Variants in HERC1 observed in about 807,000 individuals in gnomAD.
HERC1 encodes probable E3 ubiquitin-protein ligase HERC1.
In HERC1, 160 loss-of-function variants were observed where a neutral mutation model predicts 554.3. The observed-to-expected ratio is 0.29, with a 90% confidence interval of 0.25 to 0.33. HERC1 has a LOEUF of 0.33. Ranked by LOEUF, HERC1 falls within the 10% of genes least tolerant of loss-of-function variation. The pLI, the probability that HERC1 is intolerant of heterozygous loss-of-function variation, is 1.00. For missense variants in HERC1, 4,919 were observed against 5,918.5 expected, an observed-to-expected ratio of 0.83 and a Z score of 5.54; for synonymous variants, 2,175 against 2,131.7, an observed-to-expected ratio of 1.02 and a Z score of -0.56.
chr15:63,618,130 T>C (rs558408622), intron 74 of HERC1, among the ~76,000 whole-genome samples: 51 of 152,106 alleles, frequency 3.4e-4, no homozygotes, highest in South Asian at 2.3e-3. Flanking sequence ...AGGGTTTTTA[T>C]GGTTTTAGGT....
chr15:63,616,748 C>G (rs768715076), intron 74 of HERC1, 66 bp from the exon 75 acceptor site: 13 of 1,435,498 alleles, frequency 9.1e-6, no homozygotes, highest in African/African-American at 1.4e-5. Flanking sequence ...AAGTTAGCAA[C>G]AACAGCTATA....
intron 1 of HERC1, among the ~76,000 whole-genome samples, chr15:63,822,829 T>G (rs115627737): frequency 0.013 from 1,974 of 152,138 alleles, 40 homozygotes; most frequent in African/African-American, 0.044. Context: ...AGAAATGTAT[T>G]CAGAAAATAG....
At position 63,756,580 on chromosome 15, in the gene HERC1, T is replaced by C. The variant is rs199654305; in HGVS notation, c.1390A>G (p.Lys464Glu). Residue 464 changes from lysine to glutamate, a missense_variant, in exon 5 of 78, where the codon AAA (lysine) becomes GAA (glutamate). Around this residue, in one of 11 missense-constraint regions of HERC1, gnomAD observed 744 missense variants for 1,090.0 expected, o/e 0.68. Transcript: ENST00000443617. This position sits in a 1 kb window ranked among gnomAD's most constrained non-coding sequence, Gnocchi z 5.0. ...GCTAAAGTGTGACCATCAGATCCTT[T>C]AGAAGATGAAACCTTTTTAATGGAT... ...HRSIKKVSSS[K>E]GSDGHTLAFT... 6.2e-7 allele frequency: 1 copy of C among 1,613,998 alleles called. No individual in the cohort carries two copies. The highest frequency in any genetic ancestry group is 8.5e-7 in the Non-Finnish European group (1 of 1,179,868).
intron 1 of HERC1, among the ~76,000 whole-genome samples, chr15:63,818,206 G>GA (rs1005111426): frequency 7.9e-5 from 12 of 151,986 alleles, no homozygotes; most frequent in African/African-American, 1.2e-4. Flanking sequence ...AACAGTCACA[G>GA]AAAAAAAATT....
At chr15:63,720,851 G>T (rs1288183260) in intron 19 of HERC1, among the ~76,000 whole-genome samples, 1 of 152,066 alleles carries the variant, frequency 6.6e-6, no homozygotes, top group South Asian at 2.1e-4. Context: ...AATTTAGCAG[G>T]TATTACTCTC....
Position 63,616,654 on chromosome 15 carries a change from C to T in HERC1, c.13717G>A (p.Asp4573Asn), listed in dbSNP as rs770964448. The change falls in exon 75 of 78, where the codon GAT becomes AAT. Residue 4573 changes from aspartate (D) to asparagine (N), a missense_variant. Transcript: ENST00000443617. ...RFLFNPSACL[D>N]EHLMQFKFLG... ...AACTTAAACTGCATTAAGTGTTCAT[C>T]GAGGCAGGCAGAAGGGTTAAAAAGG... 13 of 1,613,570 alleles carry T rather than the reference C, an allele frequency of 8.1e-6. No homozygotes were observed. The South Asian group carries it at 1.2e-4, about 15-fold the overall frequency.
chr15:63,616,158 C>T (rs1448549759), intron 75 of HERC1, among the ~76,000 whole-genome samples: 1 of 152,096 alleles, frequency 6.6e-6, no homozygotes, highest in Non-Finnish European at 1.5e-5. Flanking sequence ...GTTGAACTCT[C>T]GTGACCTCAG....
intron 1 of HERC1, among the ~76,000 whole-genome samples, chr15:63,819,830 A>T (rs1179985533): frequency 6.6e-6 from 1 of 152,152 alleles, no homozygotes; most frequent in African/African-American, 2.4e-5. Context: ...TCATTTCTGA[A>T]TTCTCATCCA....
At chr15:63,624,615 A>G (rs1301338097) in intron 71 of HERC1, among the ~76,000 whole-genome samples, 2 of 152,186 alleles carry the variant, frequency 1.3e-5, no homozygotes, top group Admixed American at 6.5e-5. Context: ...GGATCACCTG[A>G]GTCCAAGGAG....
intron 73 of HERC1, among the ~76,000 whole-genome samples, chr15:63,623,418 G>T (rs1456564873): frequency 6.6e-6 from 1 of 152,154 alleles, no homozygotes; most frequent in Non-Finnish European, 1.5e-5. Flanking sequence ...GGTGCTCCTG[G>T]ATTTGTCTGT....
chr15:63,622,889 T>C lies in HERC1; in HGVS notation c.13614A>G (p.Glu4538=). Residue 4538 remains glutamate, a splice_region_variant and synonymous_variant, in exon 74 of 78, where the codon GAA becomes GAG. Transcript: ENST00000443617. ...GAAGGTCAACAATACCAGTTTCAAG[T>C]TCCTGCAGAAGAAAGAAAAAAATTT... ...FDDTITEMCQ[E]LETGIVDLLI... is the part of the protein sequence containing the mutation. 1 of 1,592,512 alleles carries C rather than the reference T, an allele frequency of 6.3e-7. No individual in the cohort carries two copies. The highest frequency in any genetic ancestry group is 8.5e-7 in the Non-Finnish European group (1 of 1,171,908).
Position 63,649,859 on chromosome 15 carries a change from G to C in HERC1, c.10613C>G (p.Pro3538Arg). 2 of 1,612,788 alleles carry C rather than the reference G, an allele frequency of 1.2e-6. No individual in the cohort carries two copies. The highest frequency in any genetic ancestry group is 1.7e-6 in the Non-Finnish European group (2 of 1,179,422). ...AGACTCTCCTGACCAGGCTGTAGCCGGACCCTCTTCTGGCCAAGCCAGGGC... is the reference window on the plus strand; with the variant it reads ...AGACTCTCCTGACCAGGCTGTAGCCCGACCCTCTTCTGGCCAAGCCAGGGC... ...VSALAWPEEGPATAWSGESPE... is the reference protein window; with the variant it reads ...VSALAWPEEGRATAWSGESPE... Residue 3538 changes from proline (P) to arginine (R), a missense_variant, in exon 54 of 78, where the codon CCG becomes CGG. Pro to Arg is a moderately radical substitution (Grantham distance 103, BLOSUM62 -2). Around this residue, in one of 11 missense-constraint regions of HERC1, gnomAD observed 1,963 missense variants for 2,228.6 expected, o/e 0.88. Coordinates refer to ENST00000443617, the MANE Select transcript of HERC1 (RefSeq NM_003922.4).
chr15:63,829,561 G>GTGTGTGTGTGTATATATATATATATA (rs1220043639), intron 1 of HERC1, among the ~76,000 whole-genome samples: 1 of 81,762 alleles, frequency 1.2e-5, no homozygotes, highest in African/African-American at 5.2e-5. Flanking sequence ...GTGTGTGTGT[G>GTGTGTGTGTGTATATATATATATATA]TATATATATA....
At chr15:63,833,087 A>G (rs983629492) in intron 1 of HERC1, among the ~76,000 whole-genome samples, 3 of 152,170 alleles carry the variant, frequency 2.0e-5, no homozygotes, top group African/African-American at 7.2e-5. Flanking sequence ...CGTGTCTCCC[A>G]GTAACCTGCC....
At position 63,623,846 on chromosome 15, in the gene HERC1, A is replaced by C. The variant is rs758440166; in HGVS notation, c.13490T>G (p.Val4497Gly). The C allele has an allele frequency of 6.2e-7, 1 of 1,613,960 alleles. No homozygotes were observed. Among genetic ancestry groups the C allele is most frequent in the South Asian group, 1.1e-5 (1 of 91,070 alleles). Residue 4497 changes from valine (V) to glycine (G), a missense_variant, in exon 73 of 78, where the codon GTA (valine) becomes GGA (glycine). Physicochemically the swap from Val to Gly is moderately radical, Grantham distance 109. Coordinates refer to ENST00000443617, the MANE Select transcript of HERC1 (RefSeq NM_003922.4). ...GAGGTCTGAAGCATTCAGCTTAACT[A>C]CTTGTCTCGCTATTTGGACAAAAAT... ...KPIFVQIARQ[V>G]VKLNASDLRL...
chr15:63,755,017 G>A (rs1434419249), intron 6 of HERC1, among the ~76,000 whole-genome samples: 1 of 151,968 alleles, frequency 6.6e-6, no homozygotes, highest in African/African-American at 2.4e-5. Flanking sequence ...GTCATAATAG[G>A]GCACACTCAG....
Position 63,820,668 on chromosome 15 carries a change from G to GC in HERC1, c.-27+13158dup, listed in dbSNP as rs1348863330. 4.6e-5 allele frequency among the ~76,000 whole-genome samples: 7 copies of GC among 152,118 alleles called. No individual in the cohort carries two copies. In the East Asian group the frequency reaches 1.4e-3, roughly 29 times the overall value. ...ACAATGTATCTCAAAAAAATCAAAAGCAACAGAGACGTTATCCTTTTTTTT... is the reference window on the plus strand; with the variant it reads ...ACAATGTATCTCAAAAAAATCAAAAGCCAACAGAGACGTTATCCTTTTTTTT... On this transcript the variant is annotated intron_variant, in intron 1 of 77. Coordinates refer to ENST00000443617, the MANE Select transcript of HERC1 (RefSeq NM_003922.4).
rs762170804 is a variant in HERC1 at position 63,649,883 on chromosome 15, G to A, written c.10589C>T (p.Ala3530Val). The A allele has an allele frequency of 2.0e-5, 32 of 1,611,878 alleles. No individual in the cohort carries two copies. The South Asian group carries it at 2.1e-4, about 11-fold the overall frequency. Reference protein sequence around the residue: ...LVDIQPHWVSALAWPEEGPAT... With the variant: ...LVDIQPHWVSVLAWPEEGPAT... ...CGGACCCTCTTCTGGCCAAGCCAGG[G>A]CAGATACCCAATGAGGCTGAATATC... The change falls in exon 54 of 78, where the codon GCC becomes GTC. Residue 3530 changes from alanine (A) to valine (V), a missense_variant. Around this residue, in one of 11 missense-constraint regions of HERC1, gnomAD observed 1,963 missense variants for 2,228.6 expected, o/e 0.88. Coordinates refer to ENST00000443617, the MANE Select transcript of HERC1 (RefSeq NM_003922.4).
intron 1 of HERC1, among the ~76,000 whole-genome samples, chr15:63,777,216 T>C (rs1041673235): frequency 2.0e-5 from 3 of 152,224 alleles, no homozygotes; most frequent in Non-Finnish European, 4.4e-5. Context: ...TATGCCCTGG[T>C]AAATTCTAAA....
Sources: allele counts gnomAD v4.1 joint callset (sites outside exome capture counted in the v4.1 genomes callset), GRCh38; gene constraint gnomAD v4.1.1; regional missense constraint gnomAD v4.1.1; non-coding constraint Gnocchi (gnomAD v3.1); transcripts MANE v1.5; gene names NCBI Gene and HGNC (gene_info 2026-07-23, HGNC 2026-07-21).